MAPK4: variants seen among roughly 807,000 people sequenced by gnomAD.
MAPK4 encodes Erk3-related.
Under a neutral mutation model 47.7 loss-of-function variants are expected in MAPK4, and 22 were observed. The observed-to-expected ratio is 0.46, with a 90% confidence interval of 0.33 to 0.66. The LOEUF is 0.66. Among genes scored for constraint, MAPK4 ranks in the 30% least tolerant of loss-of-function variants. The pLI, the probability that MAPK4 is intolerant of heterozygous loss-of-function variation, is 0.02. For synonymous variants in MAPK4, 390 were observed against 365.7 expected (o/e 1.07, Z -0.76); for missense variants, 736 against 831.7 (o/e 0.88, Z 1.42).
intron 1 of MAPK4, among the ~76,000 whole-genome samples, chr18:50,588,814 C>G (rs866449474): frequency 2.0e-5 from 3 of 152,166 alleles, no homozygotes; most frequent in Admixed American, 6.5e-5. Context: ...CTTCAGCCTC[C>G]CAAAGTGCTG....
intron 2 of MAPK4, among the ~76,000 whole-genome samples, chr18:50,675,518 G>A (rs11082836): frequency 0.97 from 146,737 of 151,826 alleles, 71,092 homozygotes; most frequent in East Asian, 1. Context: ...TTTGAGACAG[G>A]GTTTCACTCT....
intron 1 of MAPK4, among the ~76,000 whole-genome samples, chr18:50,635,170 G>C (rs2042873053): frequency 6.6e-6 from 1 of 152,160 alleles, no homozygotes; most frequent in African/African-American, 2.4e-5. Context: ...AGTGCCTCCT[G>C]TCAGTATCTC....
At chr18:50,566,632 C>G (rs2042200785) in intron 1 of MAPK4, among the ~76,000 whole-genome samples, 1 of 152,222 alleles carries the variant, frequency 6.6e-6, no homozygotes, top group Non-Finnish European at 1.5e-5. Flanking sequence ...CTGATTACAT[C>G]TATGCCAAAG....
intron 1 of MAPK4, among the ~76,000 whole-genome samples, chr18:50,580,831 G>A (rs1435376695): frequency 1.3e-5 from 2 of 152,164 alleles, no homozygotes; most frequent in African/African-American, 4.8e-5. Context: ...AACTTAAATC[G>A]ATTACAGAAC....
intron 5 of MAPK4, among the ~76,000 whole-genome samples, chr18:50,728,894 G>C (rs1911350419): frequency 6.6e-6 from 1 of 152,262 alleles, no homozygotes; most frequent in African/African-American, 2.4e-5. Context: ...GTCTGGAACA[G>C]TGAGTGCTGG....
intron 1 of MAPK4, among the ~76,000 whole-genome samples, chr18:50,647,552 G>A (rs1477285521): frequency 6.6e-6 from 1 of 152,208 alleles, no homozygotes; most frequent in African/African-American, 2.4e-5. Context: ...AGCCTTGCCT[G>A]TGTATGATGC....
chr18:50,720,090 C>T (rs149019181), intron 3 of MAPK4, among the ~76,000 whole-genome samples: 17 of 152,294 alleles, frequency 1.1e-4, no homozygotes, highest in Non-Finnish European at 2.2e-4. Flanking sequence ...GGGACATTGA[C>T]CATAGTATCC....
chr18:50,568,051 C>T (rs1007697360), intron 1 of MAPK4, among the ~76,000 whole-genome samples: 4 of 151,826 alleles, frequency 2.6e-5, no homozygotes, highest in African/African-American at 4.8e-5. Flanking sequence ...AAAAAATTAG[C>T]GGGGCGTGGT....
intron 1 of MAPK4, among the ~76,000 whole-genome samples, chr18:50,651,524 C>T (rs2043048612): frequency 1.3e-5 from 2 of 152,326 alleles, no homozygotes; most frequent in African/African-American, 4.8e-5. Context: ...AGCAAGTGTA[C>T]AACCACGTTT....
chr18:50,628,079 G>C (rs1174948089), intron 1 of MAPK4, among the ~76,000 whole-genome samples: 1 of 152,224 alleles, frequency 6.6e-6, no homozygotes. Flanking sequence ...GGGTTCCCGG[G>C]CAGTAGGGGC....
intron 1 of MAPK4, among the ~76,000 whole-genome samples, chr18:50,612,902 A>G (rs2042651791): frequency 6.6e-6 from 1 of 152,228 alleles, no homozygotes; most frequent in Admixed American, 6.5e-5. Context: ...CAACAATGCC[A>G]GTTTCTGCAG....
intron 1 of MAPK4, among the ~76,000 whole-genome samples, chr18:50,637,558 C>A (rs537770667): frequency 4.6e-5 from 7 of 152,298 alleles, no homozygotes; most frequent in African/African-American, 1.7e-4. Context: ...CAGTGTGGCC[C>A]CAGCCAGGCT....
In MAPK4 at chr18:50,621,278, C is replaced by T. The variant is rs565650147; in HGVS notation, c.-870-41811C>T. 2.6e-3 allele frequency among the ~76,000 whole-genome samples: 398 copies of T among 151,930 alleles called. 3 individuals carry two copies. The highest frequency in any genetic ancestry group is 4.1e-3 in the Non-Finnish European group (281 of 67,968). ...AGATGCTTGGCCTGCAGCTCTTCAT[C>T]CCCATGAAGAAGGGAGAACTACACA... is the stretch of plus-strand genomic sequence containing the variant. On this transcript the variant is annotated intron_variant, in intron 1 of 5. Coordinates refer to ENST00000400384, the MANE Select transcript of MAPK4 (RefSeq NM_002747.4).
At chr18:50,712,421 C>T (rs547273224) in intron 2 of MAPK4, among the ~76,000 whole-genome samples, 2 of 152,126 alleles carry the variant, frequency 1.3e-5, no homozygotes, top group African/African-American at 4.8e-5. Context: ...AATGCGAGAA[C>T]CTGTCTCAAA....
Position 50,729,532 on chromosome 18 carries a change from C to G in MAPK4, c.1442C>G (p.Ala481Gly), listed in dbSNP as rs1383783696. 5 of 1,428,584 alleles carry G rather than the reference C, an allele frequency of 3.5e-6. No homozygotes were observed. The highest frequency in any genetic ancestry group is 4.6e-6 in the Non-Finnish European group (5 of 1,091,352). The allele number at this position is 1,428,584 out of a possible 1,614,324, so 88.5% of individuals were successfully genotyped here. The change falls in exon 6 of 6, where the codon GCG becomes GGG. Residue 481 changes from alanine (A) to glycine (G), a missense_variant. This residue lies in a region of MAPK4 where 377 missense variants were observed against 378.6 expected (regional missense o/e 1.00). Transcript: ENST00000400384. ...PTATGLADTG[A>G]REDEPASLFL... ...GCCACGGGGCTGGCGGACACGGGGG[C>G]GCGCGAGGACGAGCCGGCCAGCCTC...
chr18:50,642,800 G>T (rs528789998), intron 1 of MAPK4, among the ~76,000 whole-genome samples: 5 of 152,312 alleles, frequency 3.3e-5, no homozygotes, highest in Middle Eastern at 3.4e-3. Flanking sequence ...TCACCAAAGA[G>T]GCAAGTGTTG....
Position 50,560,787 on chromosome 18 carries a change from G to C in MAPK4, c.-871+544G>C, listed in dbSNP as rs1456318759. The C allele has an allele frequency of 3.9e-5, 6 of 152,698 alleles. No individual in the cohort carries two copies. In the East Asian group the frequency reaches 9.6e-4, roughly 25 times the overall value. The allele number at this position is 152,698 out of a possible 1,614,324, so 9.5% of individuals were successfully genotyped here. ...AGGTAGCCCCTGGGAGAGGGGGAGT[G>C]GGGGGACCCCGCCGCTTTCGCCGCT... On this transcript the variant is annotated intron_variant, in intron 1 of 5. Coordinates refer to ENST00000400384, the MANE Select transcript of MAPK4 (RefSeq NM_002747.4).
chr18:50,689,707 A>G (rs1265581519), intron 2 of MAPK4, among the ~76,000 whole-genome samples: 1 of 152,222 alleles, frequency 6.6e-6, no homozygotes, highest in East Asian at 1.9e-4. Context: ...GTTGGGCAAC[A>G]GAGCGAGAAC....
intron 2 of MAPK4, among the ~76,000 whole-genome samples, chr18:50,684,606 G>T (rs898224022): frequency 6.6e-6 from 1 of 152,174 alleles, no homozygotes; most frequent in African/African-American, 2.4e-5. Flanking sequence ...CCTTCGGGGG[G>T]TGAGGAGAAG....
Sources: allele counts gnomAD v4.1 joint callset (sites outside exome capture counted in the v4.1 genomes callset), GRCh38; gene constraint gnomAD v4.1.1; regional missense constraint gnomAD v4.1.1; transcripts MANE v1.5; gene names NCBI Gene and HGNC (gene_info 2026-07-23, HGNC 2026-07-21).